NLGN1: variants seen among roughly 807,000 people sequenced by gnomAD.
NLGN1 encodes neuroligin 1.
In NLGN1, 12 loss-of-function variants were observed where a neutral mutation model predicts 65.5. The observed-to-expected ratio is 0.18, with a 90% CI of 0.12 to 0.30. The LOEUF (loss-of-function observed/expected upper bound fraction) is 0.30, where lower values mean the gene tolerates loss of function less well. Among genes scored for constraint, NLGN1 ranks in the 10% least tolerant of loss-of-function variants. The pLI, the probability that NLGN1 is intolerant of heterozygous loss-of-function variation, is 1.00. For missense variants in NLGN1, 750 were observed against 1,007.1 expected (o/e 0.74, Z 3.46); for synonymous variants, 350 against 359.5 (o/e 0.97, Z 0.30).
At chr3:173,720,831 C>T (rs559092615) in intron 3 of NLGN1, among the ~76,000 whole-genome samples, 1 of 152,288 alleles carries the variant, frequency 6.6e-6, no homozygotes, top group Admixed American at 6.5e-5. Flanking sequence ...GTGATACCTG[C>T]ACTTGCGTGT....
chr3:173,723,456 T>C (rs538547651), intron 3 of NLGN1, among the ~76,000 whole-genome samples: 2 of 152,310 alleles, frequency 1.3e-5, no homozygotes, highest in African/African-American at 4.8e-5. Flanking sequence ...CCTCTGTTTC[T>C]TTTTACATAC....
chr3:173,470,400 A>C (rs1195440815), intron 2 of NLGN1, among the ~76,000 whole-genome samples: 1 of 152,016 alleles, frequency 6.6e-6, no homozygotes, highest in African/African-American at 2.4e-5. Context: ...TCTCCTTGTG[A>C]AATTCACCCA....
chr3:174,157,447 A>G (rs1725658847), intron 4 of NLGN1, among the ~76,000 whole-genome samples: 1 of 151,814 alleles, frequency 6.6e-6, no homozygotes, highest in African/African-American at 2.4e-5. Flanking sequence ...GGTTTTTAAA[A>G]AAATTCATCA....
chr3:173,775,570 T>A (rs1462711321), intron 3 of NLGN1, among the ~76,000 whole-genome samples: 3 of 152,174 alleles, frequency 2.0e-5, no homozygotes, highest in Non-Finnish European at 4.4e-5. Flanking sequence ...AATACCTGAT[T>A]CCCAATAAAC....
At chr3:174,196,819 C>A (rs9877698) in intron 4 of NLGN1, among the ~76,000 whole-genome samples, 5 of 152,074 alleles carry the variant, frequency 3.3e-5, no homozygotes, top group East Asian at 3.9e-4. Context: ...ACTTTGCATA[C>A]GCCAAGATTG....
intron 3 of NLGN1, among the ~76,000 whole-genome samples, chr3:173,630,855 G>A (rs577476474): frequency 9.2e-5 from 14 of 152,242 alleles, no homozygotes; most frequent in African/African-American, 3.4e-4. Context: ...AAATATTAGA[G>A]TTATTGAAAT....
At chr3:173,845,225 A>G (rs58830235) in intron 4 of NLGN1, among the ~76,000 whole-genome samples, 2,855 of 152,322 alleles carry the variant, frequency 0.019, 93 homozygotes, top group African/African-American at 0.065. Context: ...TTTTTGAGGT[A>G]GTTCCATAAT....
At chr3:174,179,928 A>G (rs1730083818) in intron 4 of NLGN1, among the ~76,000 whole-genome samples, 1 of 152,114 alleles carries the variant, frequency 6.6e-6, no homozygotes, top group Non-Finnish European at 1.5e-5. Context: ...CTGTGATCCT[A>G]GTTAATCGTT....
At chr3:174,114,657 A>G (rs73042182) in intron 4 of NLGN1, among the ~76,000 whole-genome samples, 4,317 of 152,260 alleles carry the variant, frequency 0.028, 221 homozygotes, top group African/African-American at 0.098. Flanking sequence ...TTGCTCGCAT[A>G]ACTTCTAGTG....
At chr3:174,008,628 CA>C (rs1257038542) in intron 4 of NLGN1, among the ~76,000 whole-genome samples, 1 of 151,904 alleles carries the variant, frequency 6.6e-6, no homozygotes, top group Non-Finnish European at 1.5e-5. Context: ...TGAGTGTGTT[CA>C]AAATACTGAT....
At chr3:173,857,502 C>T (rs1438063625) in intron 4 of NLGN1, among the ~76,000 whole-genome samples, 1 of 151,918 alleles carries the variant, frequency 6.6e-6, no homozygotes, top group Non-Finnish European at 1.5e-5. Context: ...TTCTGCTTCT[C>T]CCACCTCTGT....
chr3:173,874,355 GTAAAA>G (rs1481275370), intron 4 of NLGN1, among the ~76,000 whole-genome samples: 1 of 152,104 alleles, frequency 6.6e-6, no homozygotes, highest in Non-Finnish European at 1.5e-5. Flanking sequence ...GTTTAAATGT[GTAAAA>G]TAAAATACAT....
In NLGN1 at chr3:173,722,266, CAG is replaced by C. The variant is rs1235840074; in HGVS notation, c.494-85411_494-85410del. On this transcript the variant is annotated intron_variant, in intron 3 of 6. Coordinates refer to ENST00000457714, the Ensembl canonical transcript of NLGN1. ...CTTTTTTTTTTTTTTTTTTTTTTAA[CAG>C]AGTCTTGCTCTGTTGCTCAGGCTGG... Among the ~76,000 whole-genome samples the C allele has an allele frequency of 1.0e-3, 95 of 92,356 alleles. No homozygotes were observed. In the South Asian group the frequency reaches 0.018, roughly 18 times the overall value. The allele number at this position is 92,356 out of a possible 152,430, so 60.6% of individuals were successfully genotyped here.
At chr3:174,064,697 A>C (rs1738131470) in intron 4 of NLGN1, among the ~76,000 whole-genome samples, 1 of 150,878 alleles carries the variant, frequency 6.6e-6, no homozygotes, top group South Asian at 2.1e-4. Flanking sequence ...ACAGATATTC[A>C]TTACATTAGT....
intron 4 of NLGN1, among the ~76,000 whole-genome samples, chr3:174,032,860 C>T (rs542002789): frequency 4.1e-4 from 63 of 152,222 alleles, no homozygotes; most frequent in African/African-American, 1.5e-3. Flanking sequence ...CTAGCTTTCC[C>T]TAGCCTTCCC....
At chr3:173,727,869 C>T (rs1772065479) in intron 3 of NLGN1, among the ~76,000 whole-genome samples, 1 of 152,068 alleles carries the variant, frequency 6.6e-6, no homozygotes, top group Non-Finnish European at 1.5e-5. Context: ...GCAATGGAGA[C>T]AATAAACCAG....
At chr3:173,901,985 A>C (rs999160229) in intron 4 of NLGN1, among the ~76,000 whole-genome samples, 4 of 152,128 alleles carry the variant, frequency 2.6e-5, no homozygotes, top group African/African-American at 4.8e-5. Context: ...AAAACTGACT[A>C]TTGGATCTTC....
At chr3:174,287,811 C>T (rs981380272), downstream of NLGN1, among the ~76,000 whole-genome samples, 5 of 151,536 alleles carry the variant, frequency 3.3e-5, no homozygotes, top group African/African-American at 1.2e-4. Context: ...ATGACCTCTT[C>T]TCCAAGGGGG....
chr3:173,965,752 A>C (rs1486428890), intron 4 of NLGN1, among the ~76,000 whole-genome samples: 1 of 152,122 alleles, frequency 6.6e-6, no homozygotes, highest in Non-Finnish European at 1.5e-5. Flanking sequence ...CCTGTTGAAC[A>C]CAAGTACTTA....
Sources: allele counts gnomAD v4.1 joint callset (sites outside exome capture counted in the v4.1 genomes callset), GRCh38; gene constraint gnomAD v4.1.1; transcripts MANE v1.5; gene names NCBI Gene and HGNC (gene_info 2026-07-23, HGNC 2026-07-21).